Variants in RHBDL2 observed in about 807,000 individuals in gnomAD.
RHBDL2 encodes the protein rhomboid-related protein 2.
A neutral mutation model predicts 31.7 loss-of-function variants in RHBDL2; 26 were observed. The observed-to-expected ratio is 0.82, with a 90% CI of 0.60 to 1.14. The LOEUF (loss-of-function observed/expected upper bound fraction) is 1.14, where lower values mean the gene tolerates loss of function less well. Ranked by LOEUF, RHBDL2 falls within the 50% of genes most tolerant of loss-of-function variation. The probability of loss-of-function intolerance (pLI) is 0.00; values close to 1 mark genes in which losing one functional copy is unlikely to be tolerated. For synonymous variants in RHBDL2, 123 were observed against 127.2 expected, an observed-to-expected ratio of 0.97 and a Z score of 0.22; for missense variants, 336 against 364.4, an observed-to-expected ratio of 0.92 and a Z score of 0.63.
At chr1:38,931,594 T>C (rs549822687) in intron 1 of RHBDL2, among the ~76,000 whole-genome samples, 3 of 151,986 alleles carry the variant, frequency 2.0e-5, no homozygotes, top group South Asian at 2.1e-4. Context: ...GGGATTCTTA[T>C]ATACATCATG....
chr1:38,933,398 T>C (rs1477236691), intron 1 of RHBDL2, among the ~76,000 whole-genome samples: 1 of 152,174 alleles, frequency 6.6e-6, no homozygotes, highest in African/African-American at 2.4e-5. Context: ...ACTTATATTC[T>C]CCCAGCACTT....
chr1:38,891,235 T>C (rs1181871566), intron 6 of RHBDL2, among the ~76,000 whole-genome samples: 1 of 117,234 alleles, frequency 8.5e-6, no homozygotes, highest in Non-Finnish European at 1.6e-5. Flanking sequence ...CACTCCAGCC[T>C]GGGCAACAGA....
intron 1 of RHBDL2, among the ~76,000 whole-genome samples, chr1:38,919,958 CT>C (rs1189667104): frequency 6.6e-6 from 1 of 152,124 alleles, no homozygotes; most frequent in East Asian, 1.9e-4. Context: ...AGTTCCAAAA[CT>C]TTTTCATCAC....
At chr1:38,889,965 AAATATTC>A (rs1276742711) in intron 6 of RHBDL2, among the ~76,000 whole-genome samples, 6 of 152,308 alleles carry the variant, frequency 3.9e-5, no homozygotes, top group African/African-American at 7.2e-5. Flanking sequence ...GAGGTCGAGG[AAATATTC>A]AATATTCATT....
chr1:38,908,513 CAAAAA>C (rs35185971), intron 4 of RHBDL2, among the ~76,000 whole-genome samples: 4 of 66,874 alleles, frequency 6.0e-5, no homozygotes, highest in African/African-American at 2.4e-4. Context: ...ACTCCGTCTC[CAAAAA>C]AAAAAAAAAA....
At chr1:38,893,261 T>G in intron 5 of RHBDL2, 37 bp from the exon 6 acceptor site, 1 of 1,018,574 alleles carries the variant, frequency 9.8e-7, no homozygotes, top group Non-Finnish European at 1.5e-6. Context: ...ATAAGCTATC[T>G]ATGGACAAAT....
intron 6 of RHBDL2, among the ~76,000 whole-genome samples, chr1:38,889,983 T>C (rs2124299552): frequency 6.6e-6 from 1 of 152,328 alleles, no homozygotes; most frequent in East Asian, 1.9e-4. Flanking sequence ...AATATTCATT[T>C]AGTTGTAAAT....
At chr1:38,925,227 G>A (rs1278230310) in intron 1 of RHBDL2, among the ~76,000 whole-genome samples, 3 of 151,940 alleles carry the variant, frequency 2.0e-5, no homozygotes, top group Admixed American at 2.0e-4. Context: ...GCCAGGCATG[G>A]TAGCTCACAC....
intron 4 of RHBDL2, among the ~76,000 whole-genome samples, chr1:38,908,189 A>T (rs1643092547): frequency 6.6e-6 from 1 of 151,708 alleles, no homozygotes; most frequent in African/African-American, 2.4e-5. Context: ...AAGATATTCA[A>T]CATCATTAGC....
intron 2 of RHBDL2, among the ~76,000 whole-genome samples, chr1:38,915,985 G>A (rs1367061650): frequency 6.6e-6 from 1 of 152,168 alleles, no homozygotes; most frequent in Non-Finnish European, 1.5e-5. Flanking sequence ...CCTGCTCTCT[G>A]GCACTACGTT....
intron 2 of RHBDL2, 132 bp from the exon 3 acceptor site, chr1:38,915,842 A>G: frequency 2.6e-6 from 2 of 759,638 alleles, no homozygotes; most frequent in South Asian, 1.7e-5. Context: ...AGAAGGTGAC[A>G]TGAAATACAC....
chr1:38,911,283 C>T (rs765075965), intron 4 of RHBDL2, 39 bp downstream of exon 4: 1 of 1,352,138 alleles, frequency 7.4e-7, no homozygotes, highest in Non-Finnish European at 1.1e-6. Context: ...ATCCTAAGAG[C>T]CCAGAGGTAT....
At position 38,919,152 on chromosome 1, in the gene RHBDL2, T is replaced by C. The variant is rs1371197439; in HGVS notation, c.61A>G (p.Lys21Glu). The C allele has an allele frequency of 6.2e-7, 1 of 1,614,146 alleles. No homozygotes were observed. Among genetic ancestry groups the C allele is most frequent in the Admixed American group, 1.7e-5 (1 of 59,992 alleles). Residue 21 changes from lysine (K) to glutamate (E), a missense_variant, in exon 2 of 8, where the codon AAA (lysine) becomes GAA (glutamate). Lys to Glu is a moderately conservative substitution (Grantham distance 56). Coordinates refer to ENST00000372990, the MANE Select transcript of RHBDL2 (RefSeq NM_017821.5). ...TTCTCCTCTTCCTCCAGCTCTTCTT[T>C]CATCTCTCTCCCCATATTCAGATTC... ...SMNLNMGREM[K>E]EELEEEEKMR...
At chr1:38,892,903 C>T (rs1170219428) in intron 6 of RHBDL2, among the ~76,000 whole-genome samples, 4 of 152,208 alleles carry the variant, frequency 2.6e-5, no homozygotes, top group South Asian at 2.1e-4. Flanking sequence ...GACTAGTTCT[C>T]CCCACTACCA....
Position 38,886,660 on chromosome 1 carries a change from T to G in RHBDL2, c.756A>C (p.Ala252=). ...CAATGGACATTCCAGCAAATCCACC[T>G]GCAATGTGAGCTGCAAAAGACACCT... ...GSPVSFAAHI[A]GGFAGMSIGY... Residue 252 remains alanine (A), a synonymous_variant, in exon 8 of 8, where the codon GCA becomes GCC. Coordinates refer to ENST00000372990, the MANE Select transcript of RHBDL2 (RefSeq NM_017821.5). 1 of 1,564,478 alleles carries G rather than the reference T, an allele frequency of 6.4e-7. No homozygotes were observed. The highest frequency in any genetic ancestry group is 8.7e-7 in the Non-Finnish European group (1 of 1,150,566).
intron 3 of RHBDL2, 46 bp downstream of exon 3, chr1:38,915,516 T>G (rs1484325279): frequency 6.3e-7 from 1 of 1,593,138 alleles, no homozygotes; most frequent in South Asian, 1.1e-5. Flanking sequence ...GAGGTTACAA[T>G]GATATAATCA....
At chr1:38,927,832 A>G (rs1003590267) in intron 1 of RHBDL2, among the ~76,000 whole-genome samples, 2 of 152,212 alleles carry the variant, frequency 1.3e-5, no homozygotes, top group South Asian at 4.1e-4. Flanking sequence ...ACCACTTTGT[A>G]AAGCAGGGTA....
At chr1:38,920,242 A>C (rs1292751452) in intron 1 of RHBDL2, among the ~76,000 whole-genome samples, 2 of 133,540 alleles carry the variant, frequency 1.5e-5, no homozygotes, top group African/African-American at 5.8e-5. Flanking sequence ...ATCTCGGCTC[A>C]CTGGAACCTC....
chr1:38,910,753 CT>C (rs765064879), intron 4 of RHBDL2, among the ~76,000 whole-genome samples: 27,195 of 111,554 alleles, frequency 0.24, 3,768 homozygotes, highest in African/African-American at 0.48. Flanking sequence ...TATTCCTTTT[CT>C]TTTTTTTTTT....
Sources: gnomAD v4.1 joint callset for allele counts (sites outside exome capture counted in the v4.1 genomes callset) on GRCh38, gnomAD v4.1.1 for gene constraint, MANE v1.5 for transcripts, NCBI Gene and HGNC (gene_info 2026-07-23, HGNC 2026-07-21) for gene names.